The following PRDM4 variants were observed in gnomAD, a reference collection of about 807,000 sequenced individuals.
PRDM4 encodes the protein PR/SET domain 4, also known as PR domain zinc finger protein 4.
Under a neutral mutation model 62.3 loss-of-function variants are expected in PRDM4, and 38 were observed. That is an observed-to-expected ratio of 0.61 (90% confidence interval 0.47 to 0.80). The LOEUF (loss-of-function observed/expected upper bound fraction) is 0.80, where lower values mean the gene tolerates loss of function less well. Ranked by LOEUF, PRDM4 falls within the 30% of genes least tolerant of loss-of-function variation. PRDM4 has a pLI of 0.00. For missense variants in PRDM4, 858 were observed against 997.1 expected (o/e 0.86, Z 1.88); for synonymous variants, 339 against 348.2 (o/e 0.97, Z 0.30).
intron 3 of PRDM4, among the ~76,000 whole-genome samples, chr12:107,755,723 A>G (rs893052057): frequency 1.3e-5 from 2 of 152,234 alleles, no homozygotes; most frequent in African/African-American, 2.4e-5. Flanking sequence ...AATCAATAGA[A>G]TATTTATTCC....
chr12:107,733,936 C>G lies in PRDM4; in HGVS notation c.*274G>C, dbSNP rs1310524694. ...CTTTGATTCAGGCATAAATGCATCT[C>G]CCAGATTATCATGTAAATAAAGACC... On this transcript the variant is annotated 3_prime_UTR_variant, in exon 12 of 12. Transcript: ENST00000228437. 1.4e-5 allele frequency: 5 copies of G among 361,808 alleles called. No individual in the cohort carries two copies. The highest frequency in any genetic ancestry group is 2.5e-5 in the Non-Finnish European group (5 of 201,720). The allele number at this position is 361,808 out of a possible 1,614,324, so 22.4% of individuals were successfully genotyped here.
intron 10 of PRDM4, 79 bp from the exon 11 acceptor site, chr12:107,739,630 A>G (rs553698328): frequency 7.8e-5 from 110 of 1,405,760 alleles, no homozygotes; most frequent in Non-Finnish European, 1.0e-4. Context: ...ACATATGTGC[A>G]TGCAGCAGAG....
intron 7 of PRDM4, among the ~76,000 whole-genome samples, chr12:107,743,711 T>G (rs971225072): frequency 2.0e-5 from 3 of 152,228 alleles, no homozygotes; most frequent in Admixed American, 2.0e-4. Flanking sequence ...AGTGGTACCT[T>G]ACCTTTCCAA....
In PRDM4 at chr12:107,756,914, G is replaced by A. The variant is rs759760233; in HGVS notation, c.63C>T (p.Ser21=). 3 of 1,614,072 alleles carry A rather than the reference G, an allele frequency of 1.9e-6. No individual in the cohort carries two copies. Among genetic ancestry groups the A allele is most frequent in the African/African-American group, 2.7e-5 (2 of 74,926 alleles). The part of the protein sequence containing the change: ...SPVGMEQLTS[S]SVSNALPVSG... ...AGACTGGCAAGGCATTGCTCACAGA[G>A]GATGAAGTCAGCTGCTCCATCCCCA... Residue 21 remains serine, a synonymous_variant, in exon 3 of 12, where the codon TCC becomes TCT. Transcript: ENST00000228437.
intron 3 of PRDM4, among the ~76,000 whole-genome samples, chr12:107,755,948 T>C (rs996678623): frequency 5.3e-5 from 8 of 152,166 alleles, no homozygotes; most frequent in Admixed American, 5.2e-4. Context: ...TAGTTGAGCA[T>C]GGTGGCGTGT....
rs1441701776 is a variant in PRDM4, at chr12:107,733,086, CAATG to C, written c.*1120_*1123del. 2 of 152,520 alleles carry C rather than the reference CAATG, an allele frequency of 1.3e-5. No homozygotes were observed. Among genetic ancestry groups the C allele is most frequent in the African/African-American group, 4.8e-5 (2 of 41,424 alleles). 9.4% of individuals were successfully genotyped at this position (152,520 alleles called of 1,614,324 possible). ...AAACGCTGGATGTGCATGGGAGACACAATGACCAGGTGCATGGGTGACTTAACTA... is the reference window on the plus strand; with the variant it reads ...AAACGCTGGATGTGCATGGGAGACACACCAGGTGCATGGGTGACTTAACTA... On this transcript the variant is annotated 3_prime_UTR_variant, in exon 12 of 12. Coordinates refer to ENST00000228437, the MANE Select transcript of PRDM4 (RefSeq NM_012406.4).
In PRDM4 at chr12:107,739,434, T is replaced by C. The variant is rs202128049; in HGVS notation, c.2042A>G (p.Lys681Arg). 7.4e-6 allele frequency: 12 copies of C among 1,613,858 alleles called. No individual in the cohort carries two copies. The highest frequency in any genetic ancestry group is 1.0e-5 in the Non-Finnish European group (12 of 1,179,822). Residue 681 changes from lysine (K) to arginine (R), a missense_variant, in exon 11 of 12, where the codon AAG becomes AGG. Lys to Arg is a conservative substitution (Grantham distance 26, BLOSUM62 2). Transcript: ENST00000228437. Reference sequence around the variant, plus strand: ...GAGGTCCTGCCTCCGCATAAACAACTTGTCACAGTAATCACACTTAAGATT... The same window carrying C: ...GAGGTCCTGCCTCCGCATAAACAACCTGTCACAGTAATCACACTTAAGATT... ...EKNLKCDYCD[K>R]LFMRRQDLKQ...
intron 2 of PRDM4, chr12:107,758,235 C>CTTTTTT (rs1891120941): frequency 1.6e-5 from 2 of 122,956 alleles, no homozygotes; most frequent in Non-Finnish European, 3.3e-5. Context: ...CTCTCTTAAT[C>CTTTTTT]TTCTTTTTTT....
At position 107,760,523 on chromosome 12, in the gene PRDM4, G is replaced by A; in HGVS notation, c.-8C>T. On this transcript the variant is annotated 5_prime_UTR_variant, in exon 2 of 12. Transcript: ENST00000228437. ...TACTCACCTGTGATGCATCGGCTTG[G>A]GGCCAAATATCAGAGAAAGGAGCGC... is the stretch of plus-strand genomic sequence containing the variant. 1.2e-6 allele frequency: 2 copies of A among 1,613,380 alleles called. No homozygotes were observed. The highest frequency in any genetic ancestry group is 1.1e-5 in the South Asian group (1 of 90,890).
chr12:107,733,965 G>A lies in PRDM4; in HGVS notation c.*245C>T, dbSNP rs1248240718. On this transcript the variant is annotated 3_prime_UTR_variant, in exon 12 of 12. Coordinates refer to ENST00000228437, the MANE Select transcript of PRDM4 (RefSeq NM_012406.4). Reference sequence around the variant, plus strand: ...GATTATCATGTAAATAAAGACCTCAGAAGTTGACACTTCCCTCCCAGTCCA... The same window carrying A: ...GATTATCATGTAAATAAAGACCTCAAAAGTTGACACTTCCCTCCCAGTCCA... 5 of 434,934 alleles carry A rather than the reference G, an allele frequency of 1.1e-5. No homozygotes were observed. The highest frequency in any genetic ancestry group is 2.0e-5 in the Non-Finnish European group (5 of 247,834). The allele number at this position is 434,934 out of a possible 1,614,324, so 26.9% of individuals were successfully genotyped here. A position where few individuals can be genotyped will look rare whatever the true frequency, so the allele number is the denominator to read the frequency against.
In PRDM4 at chr12:107,744,595, T is replaced by C. The variant is rs760064081; in HGVS notation, c.1343A>G (p.His448Arg). 3 of 1,613,758 alleles carry C rather than the reference T, an allele frequency of 1.9e-6. No homozygotes were observed. The African/African-American group carries it at 4.0e-5, about 22-fold the overall frequency. ...CFGPLIGQQS[H>R]SMEVAEWTDK... is the part of the protein sequence containing the mutation. ...TGTCCATTCTGCTACTTCCATGGAG[T>C]GACTCTGCTGGCCAATTAGAGGTCC... The change falls in exon 7 of 12, where the codon CAC (histidine) becomes CGC (arginine). Residue 448 changes from histidine (H) to arginine (R), a missense_variant. Transcript: ENST00000228437.
At chr12:107,744,446 A>G (rs1485091843) in intron 7 of PRDM4, 97 bp downstream of exon 7, 2 of 1,368,304 alleles carry the variant, frequency 1.5e-6, no homozygotes, top group Non-Finnish European at 2.0e-6. Flanking sequence ...ATGGCACTGT[A>G]TCAGTTCTGG....
Position 107,751,939 on chromosome 12 carries a change from G to C in PRDM4, c.602C>G (p.Thr201Ser). The C allele has an allele frequency of 6.2e-7, 1 of 1,614,230 alleles. No homozygotes were observed. ...CATTCCATCTGTCGAAATTGGGCTG[G>C]TAACCCTAGAAACGTTCTCCATAGT... is the stretch of plus-strand genomic sequence containing the variant. The part of the protein sequence containing the change: ...AITMENVSRV[T>S]SPISTDGMAE... Residue 201 changes from threonine (T) to serine (S), a missense_variant, in exon 5 of 12, where the codon ACC becomes AGC. Physicochemically the swap from Thr to Ser is moderately conservative, Grantham distance 58 (BLOSUM62 1). Around this residue, in one of 3 missense-constraint regions of PRDM4, gnomAD observed 499 missense variants for 546.7 expected, o/e 0.91. Transcript: ENST00000228437.
intron 2 of PRDM4, 57 bp downstream of exon 2, chr12:107,760,448 T>C: frequency 6.2e-7 from 1 of 1,608,502 alleles, no homozygotes; most frequent in Non-Finnish European, 8.5e-7. Context: ...CCCTGGACAC[T>C]CACTCGCCAG....
chr12:107,752,455 G>A (rs1405343406), intron 4 of PRDM4, among the ~76,000 whole-genome samples: 1 of 152,016 alleles, frequency 6.6e-6, no homozygotes, highest in Non-Finnish European at 1.5e-5. Context: ...AATCACTAAC[G>A]AAAACACTGC....
At chr12:107,742,785 A>G (rs2136314781) in intron 8 of PRDM4, among the ~76,000 whole-genome samples, 1 of 139,156 alleles carries the variant, frequency 7.2e-6, no homozygotes, top group South Asian at 2.3e-4. Context: ...TTTTTTTGAG[A>G]CAGAATCTCA....
chr12:107,753,814 A>G (rs150473621), intron 4 of PRDM4, 110 bp downstream of exon 4: 206 of 1,032,536 alleles, frequency 2.0e-4, no homozygotes, highest in East Asian at 1.9e-3. Context: ...CTAGAGATTA[A>G]TATCTAATAG....
chr12:107,739,206 C>A, intron 11 of PRDM4, 177 bp downstream of exon 11: 1 of 567,616 alleles, frequency 1.8e-6, no homozygotes, highest in Non-Finnish European at 2.9e-6. Context: ...CAGGATAACA[C>A]CAAAAAAAGT....
chr12:107,745,325 GA>G (rs1890662207), intron 6 of PRDM4, among the ~76,000 whole-genome samples: 1 of 152,166 alleles, frequency 6.6e-6, no homozygotes, highest in Non-Finnish European at 1.5e-5. Context: ...AACACTTTGG[GA>G]GGCCAAGGCA....
Sources: allele counts gnomAD v4.1 joint callset (sites outside exome capture counted in the v4.1 genomes callset), GRCh38; gene constraint gnomAD v4.1.1; regional missense constraint gnomAD v4.1.1; transcripts MANE v1.5; gene names NCBI Gene and HGNC (gene_info 2026-07-23, HGNC 2026-07-21).